The following NHSL1 variants were observed in gnomAD, a reference collection of about 807,000 sequenced individuals.
NHSL1 encodes the protein NHS-like protein 1.
Under a neutral mutation model 95.0 loss-of-function variants are expected in NHSL1, and 48 were observed. The observed-to-expected ratio is 0.51, with a 90% CI of 0.40 to 0.64. The LOEUF is 0.64. NHSL1 is among the 30% of genes least tolerant of loss of function. The pLI is 0.00. For missense variants in NHSL1, 1,971 were observed against 2,077.7 expected (o/e 0.95, Z 1.00); for synonymous variants, 783 against 833.9 (o/e 0.94, Z 1.05).
chr6:138,436,216 T>C lies in NHSL1; in HGVS notation c.665-2536A>G, dbSNP rs564852052. Among the ~76,000 whole-genome samples the C allele has an allele frequency of 2.0e-4, 30 of 152,354 alleles. No individual in the cohort carries two copies. The South Asian group carries it at 4.1e-3, about 21-fold the overall frequency. ...GAGGAAGGCATGTCAAAAGCTAAGA[T>C]AGGCCAAAAGCTAGGCCTCTTGTGC... On this transcript the variant is annotated intron_variant, in intron 5 of 7. Coordinates refer to ENST00000343505, the MANE Select transcript of NHSL1 (RefSeq NM_001144060.2).
intron 6 of NHSL1, 112 bp from the exon 7 acceptor site, chr6:138,429,955 AG>A: frequency 1.9e-6 from 2 of 1,067,978 alleles, no homozygotes; most frequent in Admixed American, 5.5e-5. Context: ...TGAGAACCAC[AG>A]GGAGATGCCG....
intron 1 of NHSL1, among the ~76,000 whole-genome samples, chr6:138,597,827 G>A (rs1362380701): frequency 2.6e-5 from 4 of 152,048 alleles, no homozygotes; most frequent in Admixed American, 6.6e-5. Flanking sequence ...GTATTATATT[G>A]GCTATGTGAT....
intron 1 of NHSL1, among the ~76,000 whole-genome samples, chr6:138,596,647 G>A (rs79732647): frequency 0.032 from 4,835 of 152,136 alleles, 230 homozygotes; most frequent in African/African-American, 0.11. Flanking sequence ...CAGCAGCGCC[G>A]CAAAAGGACA....
At chr6:138,601,539 C>T (rs537187309) in intron 1 of NHSL1, among the ~76,000 whole-genome samples, 1 of 152,170 alleles carries the variant, frequency 6.6e-6, no homozygotes, top group East Asian at 1.9e-4. Context: ...CTTGCCCGGG[C>T]ACGGTGGCTC....
chr6:138,424,311 C>G lies in NHSL1; in HGVS notation c.4591G>C (p.Glu1531Gln). The change falls in exon 8 of 8, where the codon GAA becomes CAA. Residue 1531 changes from glutamate to glutamine, a missense_variant. Transcript: ENST00000343505. This position sits in a 1 kb window ranked among gnomAD's most constrained non-coding sequence, Gnocchi z 5.9. Reference sequence around the variant, plus strand: ...ATGCTGTCCACAGGCTCCACGGCTTCCCCTTCTCCCTCCGAGATGACGGTC... The same window carrying G: ...ATGCTGTCCACAGGCTCCACGGCTTGCCCTTCTCCCTCCGAGATGACGGTC... ...PMTVISEGEG[E>Q]AVEPVDSIAR... 1 of 1,523,164 alleles carries G rather than the reference C, an allele frequency of 6.6e-7. No homozygotes were observed. Among genetic ancestry groups the G allele is most frequent in the Non-Finnish European group, 8.8e-7 (1 of 1,131,344 alleles). 94.4% of individuals were successfully genotyped at this position (1,523,164 alleles called of 1,614,324 possible). A position where few individuals can be genotyped will look rare whatever the true frequency, so the allele number is the denominator to read the frequency against.
At chr6:138,598,627 G>GAAAAAA (rs35482505) in intron 1 of NHSL1, among the ~76,000 whole-genome samples, 5 of 86,834 alleles carry the variant, frequency 5.8e-5, no homozygotes, top group Admixed American at 1.3e-4. Context: ...TCATCTGGAA[G>GAAAAAA]AAAAAAAAAA....
chr6:138,676,655 T>C (rs1211318484), intron 1 of NHSL1, among the ~76,000 whole-genome samples: 1 of 152,164 alleles, frequency 6.6e-6, no homozygotes, highest in Non-Finnish European at 1.5e-5. Flanking sequence ...TTTTTGTTTG[T>C]TTGTTTGTTT....
At chr6:138,622,794 C>A (rs10085225) in intron 1 of NHSL1, among the ~76,000 whole-genome samples, 24,387 of 152,190 alleles carry the variant, frequency 0.16, 2,458 homozygotes, top group East Asian at 0.28. Flanking sequence ...ACGCTTGGTA[C>A]ACCAGATATC....
intron 2 of NHSL1, among the ~76,000 whole-genome samples, chr6:138,479,576 G>A (rs1779292678): frequency 6.6e-6 from 1 of 152,196 alleles, no homozygotes; most frequent in Non-Finnish European, 1.5e-5. Flanking sequence ...TCATCACACT[G>A]CTCAGAATGG....
Position 138,464,460 on chromosome 6 carries a change from G to T in NHSL1, c.339+8846C>A, listed in dbSNP as rs551774565. The T allele has an allele frequency of 3.1e-4, 83 of 270,690 alleles. 1 individual carries two copies. The Admixed American group carries it at 3.7e-3, about 12-fold the overall frequency. The allele number at this position is 270,690 out of a possible 1,614,324, so 16.8% of individuals were successfully genotyped here. ...AAGACAGCAGCCCTAGGCCGCTGGA[G>T]AACAGCTGCAGTGCTTAAATTCTGA... is the stretch of plus-strand genomic sequence containing the variant. On this transcript the variant is annotated intron_variant, in intron 3 of 7. Coordinates refer to ENST00000343505, the MANE Select transcript of NHSL1 (RefSeq NM_001144060.2).
chr6:138,679,460 A>C (rs543142358), intron 1 of NHSL1, among the ~76,000 whole-genome samples: 8 of 152,370 alleles, frequency 5.3e-5, no homozygotes, highest in Non-Finnish European at 8.8e-5. Context: ...AATCTTAGAC[A>C]TAAAATATGT....
At chr6:138,572,147 C>G (rs1783863719) in exon 1 of NHSL1, 2 of 441,336 alleles carry the variant, frequency 4.5e-6, no homozygotes, top group Middle Eastern at 6.0e-4. Flanking sequence ...TTGTGGACTC[C>G]GTTTCTAGAT....
intron 1 of NHSL1, among the ~76,000 whole-genome samples, chr6:138,614,100 T>C (rs1784548246): frequency 6.6e-6 from 1 of 152,346 alleles, no homozygotes; most frequent in East Asian, 1.9e-4. Flanking sequence ...AGTTAAAAAC[T>C]ATACTTCCTT....
chr6:138,526,470 G>C (rs1781910970), intron 1 of NHSL1, among the ~76,000 whole-genome samples: 1 of 152,142 alleles, frequency 6.6e-6, no homozygotes, highest in South Asian at 2.1e-4. Flanking sequence ...GATAGAGTGA[G>C]CCCTGTCTGG....
At chr6:138,591,600 G>GTTT (rs953734405) in intron 1 of NHSL1, among the ~76,000 whole-genome samples, 4 of 151,976 alleles carry the variant, frequency 2.6e-5, no homozygotes, top group Admixed American at 2.0e-4. Context: ...TGTTGTTGTT[G>GTTT]TTTGTTTGTT....
In NHSL1 at chr6:138,430,659, C is replaced by T; in HGVS notation, c.3686G>A (p.Ser1229Asn). 6.4e-7 allele frequency: 1 copy of T among 1,551,642 alleles called. No homozygotes were observed. Among genetic ancestry groups the T allele is most frequent in the East Asian group, 2.4e-5 (1 of 40,926 alleles). The change falls in exon 6 of 8, where the codon AGC becomes AAC. Residue 1229 changes from serine to asparagine, a missense_variant. Ser to Asn is a conservative substitution (Grantham distance 46). Around this residue, in one of 3 missense-constraint regions of NHSL1, gnomAD observed 1,602 missense variants for 1,654.5 expected, o/e 0.97. Coordinates refer to ENST00000343505, the MANE Select transcript of NHSL1 (RefSeq NM_001144060.2). This position sits in a 1 kb window ranked among gnomAD's most constrained non-coding sequence, Gnocchi z 4.7. ...NVSEALRAVP[S>N]PTTGEEGSVH... ...AGAGCCCTCCTCTCCCGTCGTGGGGCTGGGCACAGCTCGGAGGGCTTCGCT... is the reference window on the plus strand; with the variant it reads ...AGAGCCCTCCTCTCCCGTCGTGGGGTTGGGCACAGCTCGGAGGGCTTCGCT...
chr6:138,604,869 G>A (rs952891855), intron 1 of NHSL1, among the ~76,000 whole-genome samples: 3 of 151,940 alleles, frequency 2.0e-5, no homozygotes, highest in African/African-American at 4.8e-5. Flanking sequence ...CAAGTGATCC[G>A]CCCGCCTCAG....
chr6:138,459,008 G>C (rs996406063), intron 3 of NHSL1, among the ~76,000 whole-genome samples: 3 of 151,908 alleles, frequency 2.0e-5, no homozygotes, highest in African/African-American at 7.3e-5. Context: ...GTTTGTTTTT[G>C]TTTTTGAGAA....
At chr6:138,564,741 A>C (rs1783543872) in intron 1 of NHSL1, among the ~76,000 whole-genome samples, 1 of 152,206 alleles carries the variant, frequency 6.6e-6, no homozygotes, top group South Asian at 2.1e-4. Context: ...AGCATAAGCC[A>C]GTGTATGATA....
Sources: allele counts gnomAD v4.1 joint callset (sites outside exome capture counted in the v4.1 genomes callset), GRCh38; gene constraint gnomAD v4.1.1; regional missense constraint gnomAD v4.1.1; non-coding constraint Gnocchi (gnomAD v3.1); transcripts MANE v1.5; gene names NCBI Gene and HGNC (gene_info 2026-07-23, HGNC 2026-07-21).